Variants in AGO2 observed in about 807,000 individuals in gnomAD.
AGO2 encodes the protein argonaute RISC catalytic component 2, also known as protein argonaute-2.
In AGO2, 5 loss-of-function variants were observed where a neutral mutation model predicts 102.3. That is an observed-to-expected ratio of 0.05 (90% CI 0.03 to 0.10). AGO2 has a LOEUF of 0.10. Ranked by LOEUF, AGO2 falls within the 10% of genes least tolerant of loss-of-function variation. AGO2 has a pLI of 1.00. For missense variants in AGO2, 541 were observed against 1,183.7 expected (o/e 0.46, Z 7.97); for synonymous variants, 449 against 473.1 (o/e 0.95, Z 0.66).
At chr8:140,543,322 G>A (rs545862013) in intron 14 of AGO2, among the ~76,000 whole-genome samples, 2 of 152,302 alleles carry the variant, frequency 1.3e-5, no homozygotes, top group South Asian at 2.1e-4. Flanking sequence ...TAAAGGAAGT[G>A]TGCCCTGAAT....
intron 11 of AGO2, 86 bp downstream of exon 11, chr8:140,551,217 A>G: frequency 7.2e-7 from 1 of 1,390,032 alleles, no homozygotes; most frequent in Non-Finnish European, 9.4e-7. Flanking sequence ...CCCCCACCCC[A>G]ACCAGAGTCA....
intron 3 of AGO2, among the ~76,000 whole-genome samples, chr8:140,570,738 G>T (rs982338981): frequency 7.2e-5 from 11 of 152,250 alleles, no homozygotes; most frequent in African/African-American, 2.6e-4. Context: ...GGCAGTTGAG[G>T]CTTGGCCAGT....
chr8:140,561,127 T>C (rs2073194726), intron 4 of AGO2, among the ~76,000 whole-genome samples: 1 of 152,246 alleles, frequency 6.6e-6, no homozygotes, highest in South Asian at 2.1e-4. Context: ...CTAGGGATGC[T>C]GCGCTGACCC....
chr8:140,618,089 G>C (rs1264896672), intron 1 of AGO2, among the ~76,000 whole-genome samples: 1 of 151,684 alleles, frequency 6.6e-6, no homozygotes, highest in Non-Finnish European at 1.5e-5. Flanking sequence ...AGATCACGAG[G>C]TCAGGAGTTC....
At chr8:140,549,486 T>C (rs2072958625) in intron 11 of AGO2, among the ~76,000 whole-genome samples, 188 bp from the exon 12 acceptor site, 1 of 152,242 alleles carries the variant, frequency 6.6e-6, no homozygotes, top group Admixed American at 6.5e-5. Flanking sequence ...TACTAACTCA[T>C]GAGAAAGGTT....
chr8:140,590,826 G>A (rs571326410), intron 1 of AGO2, among the ~76,000 whole-genome samples: 8 of 152,282 alleles, frequency 5.3e-5, no homozygotes, highest in African/African-American at 1.9e-4. Flanking sequence ...GGGGAATGCT[G>A]GCCATCAACC....
chr8:140,579,757 T>C (rs766785121), intron 2 of AGO2, among the ~76,000 whole-genome samples: 6 of 152,116 alleles, frequency 3.9e-5, no homozygotes, highest in Non-Finnish European at 8.8e-5. Context: ...GTACACGATG[T>C]TTCTGCTTTA....
At chr8:140,631,113 T>C (rs911975019) in intron 1 of AGO2, among the ~76,000 whole-genome samples, 4 of 152,038 alleles carry the variant, frequency 2.6e-5, no homozygotes, top group Non-Finnish European at 1.5e-5. Flanking sequence ...CATGAGCAAC[T>C]GGGTCTCCAA....
intron 1 of AGO2, among the ~76,000 whole-genome samples, chr8:140,590,451 A>C (rs769824131): frequency 6.6e-6 from 1 of 152,224 alleles, no homozygotes; most frequent in Non-Finnish European, 1.5e-5. Flanking sequence ...TGGCCACAGA[A>C]CCCATCCAAA....
chr8:140,551,654 G>A (rs905576083), intron 10 of AGO2, among the ~76,000 whole-genome samples: 1 of 151,708 alleles, frequency 6.6e-6, no homozygotes, highest in South Asian at 2.1e-4. Context: ...GTGGATGGTT[G>A]ATGGGTGGGT....
At chr8:140,588,578 G>A (rs915472596) in intron 1 of AGO2, among the ~76,000 whole-genome samples, 26 of 78,542 alleles carry the variant, frequency 3.3e-4, no homozygotes, top group Admixed American at 4.7e-4. Flanking sequence ...GAGGGAGGGA[G>A]TAAAGAAGGG....
intron 11 of AGO2, 115 bp from the exon 12 acceptor site, chr8:140,549,413 A>G (rs2132905348): frequency 9.4e-7 from 1 of 1,064,578 alleles, no homozygotes; most frequent in Non-Finnish European, 1.3e-6. Flanking sequence ...ACTTTCATTG[A>G]GGTCAAAATT....
rs1285676072 is a variant in AGO2, at chr8:140,562,648, A to G, written c.337-14T>C. 1.2e-5 allele frequency: 19 copies of G among 1,611,022 alleles called. No homozygotes were observed. Among genetic ancestry groups the G allele is most frequent in the Non-Finnish European group, 1.6e-5 (19 of 1,178,350 alleles). ...CTCCAGCTCCACCTGCGAGGATCCA[A>G]GGCACACAAGGTTACTCCCTCCTGC... On this transcript the variant is annotated splice_polypyrimidine_tract_variant and intron_variant, in intron 3 of 18. Coordinates refer to ENST00000220592, the MANE Select transcript of AGO2 (RefSeq NM_012154.5).
chr8:140,606,326 A>G (rs2073998026), intron 1 of AGO2, among the ~76,000 whole-genome samples: 1 of 152,234 alleles, frequency 6.6e-6, no homozygotes, highest in Admixed American at 6.5e-5. Context: ...GCAAGCGAGG[A>G]GCATGCAGTT....
In AGO2 at chr8:140,522,284, A is replaced by G; in HGVS notation, c.*9760T>C. On this transcript the variant is annotated 3_prime_UTR_variant, in exon 19 of 19. Transcript: ENST00000220592. ...GTTACTTTTTCCAATTTAATTTGAC[A>G]GACTTAGTAATAGCACCCAACTGTT... is the stretch of plus-strand genomic sequence containing the variant. The G allele has an allele frequency of 6.6e-6, 1 of 152,214 alleles. No individual in the cohort carries two copies. Among genetic ancestry groups the G allele is most frequent in the East Asian group, 1.9e-4 (1 of 5,204 alleles). The allele number at this position is 152,214 out of a possible 1,614,324, so 9.4% of individuals were successfully genotyped here. A position where few individuals can be genotyped will look rare whatever the true frequency, so the allele number is the denominator to read the frequency against.
At chr8:140,639,688 G>A (rs2074430110), upstream of AGO2, among the ~76,000 whole-genome samples, 1 of 152,138 alleles carries the variant, frequency 6.6e-6, no homozygotes, top group South Asian at 2.1e-4. Flanking sequence ...TGGGAGGATT[G>A]CTTGAGCCCA....
chr8:140,553,827 T>C (rs937646118), intron 10 of AGO2, among the ~76,000 whole-genome samples: 1 of 152,120 alleles, frequency 6.6e-6, no homozygotes, highest in African/African-American at 2.4e-5. Flanking sequence ...GTCTCCCGAG[T>C]AGCTGGGATT....
chr8:140,537,867 G>T (rs2072724556), intron 16 of AGO2, among the ~76,000 whole-genome samples: 1 of 152,124 alleles, frequency 6.6e-6, no homozygotes, highest in South Asian at 2.1e-4. Flanking sequence ...CCCCCAGGCG[G>T]GAGTGCAGTA....
intron 2 of AGO2, among the ~76,000 whole-genome samples, chr8:140,578,351 T>C (rs928657380): frequency 2.6e-5 from 4 of 152,246 alleles, no homozygotes; most frequent in Admixed American, 6.5e-5. Context: ...TTCAGCGGCA[T>C]TGAGTGTGTC....
Sources: gnomAD v4.1 joint callset for allele counts (sites outside exome capture counted in the v4.1 genomes callset) on GRCh38, gnomAD v4.1.1 for gene constraint, MANE v1.5 for transcripts, NCBI Gene and HGNC (gene_info 2026-07-23, HGNC 2026-07-21) for gene names.